The following FRMD6 variants were observed in gnomAD, a reference collection of about 807,000 sequenced individuals.
FRMD6 encodes FERM domain containing 6.
FRMD6 carries 37 observed loss-of-function variants against 73.2 expected under a neutral mutation model. The ratio of observed to expected loss-of-function variants is 0.51; its 90% confidence interval spans 0.39 to 0.66. The LOEUF is 0.66. Among genes scored for constraint, FRMD6 ranks in the 30% least tolerant of loss-of-function variants. The pLI, the probability that FRMD6 is intolerant of heterozygous loss-of-function variation, is 0.00. For synonymous variants in FRMD6, 273 were observed against 282.2 expected, an observed-to-expected ratio of 0.97 and a Z score of 0.33; for missense variants, 714 against 780.5, an observed-to-expected ratio of 0.91 and a Z score of 1.02.
chr14:51,683,063 A>G (rs780784842), intron 1 of FRMD6, among the ~76,000 whole-genome samples: 25 of 152,178 alleles, frequency 1.6e-4, no homozygotes, highest in Non-Finnish European at 3.4e-4. Context: ...TTCAGTACAT[A>G]AAATTTCAAA....
chr14:51,471,590 G>A, the FRMD6 span, among the ~76,000 whole-genome samples: 4 of 151,650 alleles, frequency 2.6e-5, no homozygotes, highest in Non-Finnish European at 5.9e-5. Flanking sequence ...AGAAACATTC[G>A]GCATTCTTGG....
chr14:51,627,550 G>A (rs1219016402), intron 2 of FRMD6, among the ~76,000 whole-genome samples: 2 of 152,198 alleles, frequency 1.3e-5, no homozygotes, highest in Non-Finnish European at 2.9e-5. Context: ...GGAGAGCACT[G>A]GGCAGAGATA....
At chr14:51,462,307 T>C in the FRMD6 span, among the ~76,000 whole-genome samples, 1 of 152,220 alleles carries the variant, frequency 6.6e-6, no homozygotes, top group African/African-American at 2.4e-5. Flanking sequence ...CAATAATACC[T>C]GCCTCGGGGG....
intron 1 of FRMD6, among the ~76,000 whole-genome samples, chr14:51,527,844 G>A (rs1885350478): frequency 6.6e-6 from 1 of 152,294 alleles, no homozygotes; most frequent in African/African-American, 2.4e-5. Context: ...TGATCCCTCT[G>A]TTCCAGCATC....
chr14:51,411,388 G>A, the FRMD6 span, among the ~76,000 whole-genome samples: 13,255 of 152,230 alleles, frequency 0.087, 753 homozygotes, highest in Non-Finnish European at 0.13. Flanking sequence ...CATGGAGGGG[G>A]AAGGAGATAA....
chr14:51,652,218 G>C (rs1438697047), intron 1 of FRMD6: 1 of 152,406 alleles, frequency 6.6e-6, no homozygotes, highest in Non-Finnish European at 1.5e-5. Flanking sequence ...GGCACCGGTG[G>C]TAAGGTCGCT....
intron 1 of FRMD6, among the ~76,000 whole-genome samples, chr14:51,561,032 A>C (rs1208116170): frequency 6.6e-6 from 1 of 152,222 alleles, no homozygotes; most frequent in African/African-American, 2.4e-5. Flanking sequence ...TCCTGCTGTC[A>C]GAAGACTATG....
At chr14:51,537,889 T>C (rs1170150706) in intron 1 of FRMD6, among the ~76,000 whole-genome samples, 1 of 152,238 alleles carries the variant, frequency 6.6e-6, no homozygotes, top group Non-Finnish European at 1.5e-5. Context: ...GATTTCCTTA[T>C]GTATTTTGAA....
At chr14:51,714,143 A>T (rs1319802682) in intron 9 of FRMD6, 3 of 152,162 alleles carry the variant, frequency 2.0e-5, no homozygotes, top group Non-Finnish European at 4.4e-5. Context: ...CAAGTTACAT[A>T]AACTCTGTGC....
chr14:51,639,083 G>A lies in FRMD6; in HGVS notation c.-146-50608G>A, dbSNP rs567586527. ...TTTTTTTTTTTTATTAAAACTAGGT[G>A]TTCCCATTTTTTGCCACAGGACTTT... On this transcript the variant is annotated intron_variant, in intron 2 of 14. Coordinates refer to the FRMD6 transcript ENST00000356218. Among the ~76,000 whole-genome samples, 29 of 151,832 alleles carry A rather than the reference G, an allele frequency of 1.9e-4. No individual in the cohort carries two copies. The South Asian group carries it at 4.2e-3, about 22-fold the overall frequency.
chr14:51,687,912 C>T (rs1486184787), intron 1 of FRMD6, among the ~76,000 whole-genome samples: 1 of 152,162 alleles, frequency 6.6e-6, no homozygotes, highest in Non-Finnish European at 1.5e-5. Flanking sequence ...TCAGTCCCTT[C>T]CTTCTGCTAA....
intron 1 of FRMD6, among the ~76,000 whole-genome samples, chr14:51,541,094 A>ATG (rs1474705377): frequency 6.6e-6 from 1 of 152,062 alleles, no homozygotes; most frequent in African/African-American, 2.4e-5. Flanking sequence ...AGTTATGTTG[A>ATG]TGTGGGGTGT....
intron 2 of FRMD6, among the ~76,000 whole-genome samples, chr14:51,697,804 G>A (rs1034961936): frequency 3.3e-5 from 5 of 151,732 alleles, no homozygotes; most frequent in African/African-American, 1.2e-4. Context: ...AAAGATACTT[G>A]CCAAATAAAT....
intron 1 of FRMD6, among the ~76,000 whole-genome samples, chr14:51,672,294 A>G (rs1894066218): frequency 1.3e-5 from 2 of 152,212 alleles, no homozygotes; most frequent in Admixed American, 1.3e-4. Flanking sequence ...TCTTTAGCAG[A>G]AAAATGCCCG....
chr14:51,487,570 A>C (rs146826804), upstream of FRMD6, among the ~76,000 whole-genome samples: 1 of 152,328 alleles, frequency 6.6e-6, no homozygotes, highest in Non-Finnish European at 1.5e-5. Flanking sequence ...AGCCACTAAA[A>C]TGTTATCCAT....
intron 1 of FRMD6, among the ~76,000 whole-genome samples, chr14:51,667,398 G>C (rs916826163): frequency 6.6e-6 from 1 of 152,006 alleles, no homozygotes; most frequent in East Asian, 1.9e-4. Context: ...AAAAAAACTC[G>C]GCAGTGAATT....
the FRMD6 span, among the ~76,000 whole-genome samples, chr14:51,479,031 G>A: frequency 2.0e-4 from 31 of 152,130 alleles, no homozygotes; most frequent in African/African-American, 6.3e-4. Context: ...GAAGACCCAG[G>A]TGTTGGCCAG....
intron 2 of FRMD6, among the ~76,000 whole-genome samples, chr14:51,616,324 G>A (rs1230046431): frequency 2.0e-5 from 3 of 152,278 alleles, no homozygotes; most frequent in Non-Finnish European, 4.4e-5. Context: ...CAATTTAAGT[G>A]TTCTAAGATG....
At chr14:51,561,400 G>A (rs527613112) in intron 1 of FRMD6, among the ~76,000 whole-genome samples, 35 of 152,260 alleles carry the variant, frequency 2.3e-4, no homozygotes, top group African/African-American at 6.7e-4. Context: ...GCATTGGAAG[G>A]GACCTCCTTT....
Sources: allele counts gnomAD v4.1 joint callset (sites outside exome capture counted in the v4.1 genomes callset), GRCh38; gene constraint gnomAD v4.1.1; transcripts MANE v1.5; gene names NCBI Gene and HGNC (gene_info 2026-07-23, HGNC 2026-07-21).